Variants in TTC29 observed in about 807,000 individuals in gnomAD.
TTC29 encodes the protein tetratricopeptide repeat protein 29.
A neutral mutation model predicts 58.1 loss-of-function variants in TTC29; 49 were observed. The observed-to-expected ratio is 0.84, with a 90% CI of 0.67 to 1.07. The LOEUF (loss-of-function observed/expected upper bound fraction) is 1.07. Ranked by LOEUF, TTC29 falls within the 50% of genes least tolerant of loss-of-function variation. The pLI is 0.00. For missense variants in TTC29, 582 were observed against 555.6 expected (o/e 1.05, Z -0.48); for synonymous variants, 209 against 196.8 (o/e 1.06, Z -0.52).
chr4:146,848,872 T>C (rs1041404560), intron 8 of TTC29, among the ~76,000 whole-genome samples: 1 of 152,202 alleles, frequency 6.6e-6, no homozygotes, highest in Non-Finnish European at 1.5e-5. Context: ...CAGTTTGCTA[T>C]GGATCATATA....
intron 11 of TTC29, among the ~76,000 whole-genome samples, chr4:146,781,686 A>C (rs1748619781): frequency 6.6e-6 from 1 of 151,958 alleles, no homozygotes; most frequent in South Asian, 2.1e-4. Context: ...ATACTATTCC[A>C]ATACTGCCTT....
chr4:146,937,574 C>G lies in TTC29; in HGVS notation c.176+20G>C, dbSNP rs777474961. The G allele has an allele frequency of 1.4e-6, 2 of 1,405,860 alleles. No homozygotes were observed. The highest frequency in any genetic ancestry group is 1.9e-6 in the Non-Finnish European group (2 of 1,032,162). The allele number at this position is 1,405,860 out of a possible 1,614,324, so 87.1% of individuals were successfully genotyped here. A position where few individuals can be genotyped will look rare whatever the true frequency, so the allele number is the denominator to read the frequency against. Reference sequence around the variant, plus strand: ...AAGAAACAAACTTTATATTAAAGTACCTTTAAAGGTTGTACTTACGCAGCA... The same window carrying G: ...AAGAAACAAACTTTATATTAAAGTAGCTTTAAAGGTTGTACTTACGCAGCA... On this transcript the variant is annotated intron_variant, in intron 4 of 12. Coordinates refer to ENST00000325106, the MANE Select transcript of TTC29 (RefSeq NM_031956.4).
At chr4:146,887,973 G>A (rs561718415) in intron 6 of TTC29, among the ~76,000 whole-genome samples, 6 of 151,860 alleles carry the variant, frequency 4.0e-5, no homozygotes, top group East Asian at 1.9e-4. Flanking sequence ...CATGCTCCCC[G>A]AGACAAAGAG....
chr4:146,754,344 A>T (rs575318028), intron 11 of TTC29, among the ~76,000 whole-genome samples: 2 of 152,212 alleles, frequency 1.3e-5, no homozygotes, highest in East Asian at 1.9e-4. Flanking sequence ...AAGCCCAGAT[A>T]GCATACCAGA....
chr4:146,722,740 C>T (rs1225611356), intron 11 of TTC29, among the ~76,000 whole-genome samples: 4 of 151,936 alleles, frequency 2.6e-5, no homozygotes, highest in Non-Finnish European at 5.9e-5. Context: ...ACTCTGTTTC[C>T]AGATTGGAGT....
chr4:146,761,972 A>C (rs931999726), intron 11 of TTC29, among the ~76,000 whole-genome samples: 1 of 151,948 alleles, frequency 6.6e-6, no homozygotes, highest in Non-Finnish European at 1.5e-5. Context: ...AAAAACAAAA[A>C]CAAAAACAAA....
At chr4:146,921,018 C>T (rs897178954) in intron 4 of TTC29, among the ~76,000 whole-genome samples, 9 of 151,416 alleles carry the variant, frequency 5.9e-5, no homozygotes, top group Non-Finnish European at 7.4e-5. Context: ...CCCTATCAAA[C>T]TTGAATGCTT....
At chr4:146,871,349 G>A (rs571214932) in intron 7 of TTC29, among the ~76,000 whole-genome samples, 1 of 151,770 alleles carries the variant, frequency 6.6e-6, no homozygotes, top group East Asian at 1.9e-4. Flanking sequence ...TGTAGTAAAG[G>A]GCATCTACAA....
At chr4:146,777,900 G>T (rs569248175) in intron 11 of TTC29, among the ~76,000 whole-genome samples, 1 of 152,318 alleles carries the variant, frequency 6.6e-6, no homozygotes, top group South Asian at 2.1e-4. Flanking sequence ...ATTTACCATT[G>T]AACTGAGAGA....
chr4:146,917,481 G>C (rs1256636661), intron 4 of TTC29, among the ~76,000 whole-genome samples: 1 of 146,956 alleles, frequency 6.8e-6, no homozygotes, highest in Non-Finnish European at 1.5e-5. Flanking sequence ...AATATAATTT[G>C]AAAGTATAAA....
Position 146,707,487 on chromosome 4 carries a change from A to C in TTC29, c.1395T>G (p.Ser465Arg). 6.2e-7 allele frequency: 1 copy of C among 1,608,400 alleles called. No homozygotes were observed. The highest frequency in any genetic ancestry group is 8.5e-7 in the Non-Finnish European group (1 of 1,176,486). The change falls in exon 12 of 13, where the codon AGT becomes AGG. Residue 465 changes from serine (S) to arginine (R), a missense_variant and splice_region_variant. By Grantham distance (110) the Ser-to-Arg change is moderately radical. Transcript: ENST00000325106. ...SQNSERLEEL[S>R]RFPGDQKNET is the part of the protein sequence containing the mutation. The stretch of plus-strand genomic sequence containing the variant: ...ACTTTTTACTTGATTTATCATACCT[A>C]CTGAGTTCTTCCAAACGTTCTGAGT...
intron 6 of TTC29, among the ~76,000 whole-genome samples, chr4:146,891,832 A>T (rs1175868600): frequency 6.6e-6 from 1 of 152,176 alleles, no homozygotes; most frequent in East Asian, 1.9e-4. Flanking sequence ...GCTCACAGAC[A>T]TTTAGAAGAT....
At chr4:146,876,038 TG>T (rs1731234235) in intron 6 of TTC29, among the ~76,000 whole-genome samples, 1 of 152,162 alleles carries the variant, frequency 6.6e-6, no homozygotes, top group South Asian at 2.1e-4. Context: ...CCAACCATAG[TG>T]GTTAAGAGTG....
At chr4:146,774,471 C>T (rs1747949187) in intron 11 of TTC29, among the ~76,000 whole-genome samples, 1 of 152,116 alleles carries the variant, frequency 6.6e-6, no homozygotes, top group African/African-American at 2.4e-5. Flanking sequence ...GCCTTAATTT[C>T]ATTGTTTACC....
rs370064891 is a variant in TTC29 at position 146,911,022 on chromosome 4, G to A, written c.177-1773C>T. On this transcript the variant is annotated intron_variant, in intron 4 of 12. Coordinates refer to ENST00000325106, the MANE Select transcript of TTC29 (RefSeq NM_031956.4). ...GTCAACATCCTGTGAAATGCAGTGA[G>A]AGCCAAGAGTAGAAAACACTCATAT... Among the ~76,000 whole-genome samples the A allele has an allele frequency of 8.5e-5, 13 of 152,264 alleles. No homozygotes were observed. The East Asian group carries it at 9.7e-4, about 11-fold the overall frequency.
intron 10 of TTC29, among the ~76,000 whole-genome samples, chr4:146,812,311 G>A (rs1426003334): frequency 6.6e-6 from 1 of 152,102 alleles, no homozygotes; most frequent in Non-Finnish European, 1.5e-5. Flanking sequence ...TGTTTTAGGT[G>A]AGAGTCTTAA....
intron 11 of TTC29, among the ~76,000 whole-genome samples, chr4:146,785,104 T>C (rs1748911329): frequency 6.6e-6 from 1 of 151,414 alleles, no homozygotes; most frequent in South Asian, 2.1e-4. Flanking sequence ...TGTGTCTCTG[T>C]GTGTGTGTGT....
intron 4 of TTC29, among the ~76,000 whole-genome samples, chr4:146,913,421 C>T (rs61553357): frequency 0.16 from 23,961 of 151,898 alleles, 3,018 homozygotes; most frequent in African/African-American, 0.34. Context: ...TCTAGCTCCA[C>T]GTCCACAGGA....
intron 6 of TTC29, among the ~76,000 whole-genome samples, chr4:146,884,892 A>G (rs1731875242): frequency 6.6e-6 from 1 of 152,048 alleles, no homozygotes; most frequent in African/African-American, 2.4e-5. Context: ...CCCTGTACAT[A>G]AAGGAGGCTT....
Sources: allele counts gnomAD v4.1 joint callset (sites outside exome capture counted in the v4.1 genomes callset), GRCh38; gene constraint gnomAD v4.1.1; transcripts MANE v1.5; gene names NCBI Gene and HGNC (gene_info 2026-07-23, HGNC 2026-07-21).